The following TENM4 variants were observed in gnomAD, a reference collection of about 807,000 sequenced individuals.
TENM4 encodes the protein teneurin transmembrane protein 4, also known as teneurin-4.
Under a neutral mutation model 243.3 loss-of-function variants are expected in TENM4, and 82 were observed. The ratio of observed to expected loss-of-function variants is 0.34; its 90% CI spans 0.28 to 0.40. The LOEUF (loss-of-function observed/expected upper bound fraction) is 0.40. Among genes scored for constraint, TENM4 ranks in the 10% least tolerant of loss-of-function variants. The pLI is 1.00. For synonymous variants in TENM4, 1,412 were observed against 1,456.3 expected, an observed-to-expected ratio of 0.97 and a Z score of 0.69; for missense variants, 3,138 against 3,673.3, an observed-to-expected ratio of 0.85 and a Z score of 3.77.
At chr11:79,231,107 AAAAG>A (rs1864364953) in intron 2 of TENM4, among the ~76,000 whole-genome samples, 1 of 152,246 alleles carries the variant, frequency 6.6e-6, no homozygotes, top group Non-Finnish European at 1.5e-5. Context: ...TGCATAACAT[AAAAG>A]AAAGAAAATA....
At position 79,438,437 on chromosome 11, in the gene TENM4, C is replaced by G. The variant is rs1180891646; in HGVS notation, c.-321+2072G>C. On this transcript the variant is annotated intron_variant, in intron 1 of 33. Transcript: ENST00000278550. The surrounding 1 kb of genome is among the most constrained non-coding windows in gnomAD (Gnocchi z 4.1). The stretch of plus-strand genomic sequence containing the variant: ...GCCATACCCGACCCCAGCCCCATCC[C>G]GTCCCCATCAGCGCCGGGCTAGCGC... 6.6e-6 allele frequency among the ~76,000 whole-genome samples: 1 copy of G among 152,162 alleles called. No homozygotes were observed. The highest frequency in any genetic ancestry group is 1.5e-5 in the Non-Finnish European group (1 of 68,026).
chr11:79,322,666 C>G (rs1423655408), intron 1 of TENM4, among the ~76,000 whole-genome samples: 3 of 152,140 alleles, frequency 2.0e-5, no homozygotes, highest in African/African-American at 7.2e-5. Flanking sequence ...AAAAGACAAG[C>G]AGGTAATCAA....
chr11:79,305,353 A>T (rs1470653547), intron 1 of TENM4, among the ~76,000 whole-genome samples: 4 of 152,228 alleles, frequency 2.6e-5, no homozygotes, highest in Non-Finnish European at 2.9e-5. Context: ...AAGAATACTC[A>T]CTGCTTTTAC....
rs1037214738 is a variant in TENM4, at chr11:79,199,041, G to A, written c.-163+16767C>T. Among the ~76,000 whole-genome samples, 3 of 152,294 alleles carry A rather than the reference G, an allele frequency of 2.0e-5. No homozygotes were observed. In the South Asian group the frequency reaches 6.2e-4, roughly 32 times the overall value. On this transcript the variant is annotated intron_variant, in intron 3 of 33. Transcript: ENST00000278550. Reference sequence around the variant, plus strand: ...TGCAAGTTAGCAGAACTGGAAGATGGCCAGTGTGGGTGGAGCAAAGAGAGG... The same window carrying A: ...TGCAAGTTAGCAGAACTGGAAGATGACCAGTGTGGGTGGAGCAAAGAGAGG...
chr11:78,840,099 C>G (rs773831006), intron 12 of TENM4, among the ~76,000 whole-genome samples: 3 of 152,194 alleles, frequency 2.0e-5, no homozygotes, highest in Non-Finnish European at 2.9e-5. Flanking sequence ...CAACAGATTT[C>G]ACTTTCTTCC....
intron 19 of TENM4, among the ~76,000 whole-genome samples, chr11:78,749,903 A>G (rs1856143785): frequency 6.6e-6 from 1 of 152,146 alleles, no homozygotes; most frequent in Non-Finnish European, 1.5e-5. Flanking sequence ...CTGGCCTCAT[A>G]GTTCCCTATG....
chr11:78,980,977 G>A (rs998792084), intron 6 of TENM4, among the ~76,000 whole-genome samples: 1 of 152,190 alleles, frequency 6.6e-6, no homozygotes, highest in African/African-American at 2.4e-5. Context: ...GGCATGAAAG[G>A]TGTAGAAGCT....
At chr11:79,173,347 A>C (rs181693638) in intron 3 of TENM4, among the ~76,000 whole-genome samples, 136 of 152,104 alleles carry the variant, frequency 8.9e-4, no homozygotes, top group Middle Eastern at 6.8e-3. Context: ...GAGTTACATG[A>C]ATGGTAAACT....
At chr11:78,813,614 G>T (rs772387806) in intron 13 of TENM4, among the ~76,000 whole-genome samples, 4 of 152,226 alleles carry the variant, frequency 2.6e-5, no homozygotes, top group Admixed American at 6.5e-5. Flanking sequence ...TCCCAGGGGA[G>T]TGCCAAATTA....
chr11:79,188,084 T>G (rs1307330900), intron 3 of TENM4, among the ~76,000 whole-genome samples: 1 of 152,242 alleles, frequency 6.6e-6, no homozygotes, highest in Non-Finnish European at 1.5e-5. Context: ...AGACCTCATT[T>G]AATCCACACA....
intron 6 of TENM4, among the ~76,000 whole-genome samples, chr11:78,922,121 C>G (rs1856461197): frequency 6.6e-6 from 1 of 152,176 alleles, no homozygotes; most frequent in African/African-American, 2.4e-5. Context: ...AAATGCCTAT[C>G]AGATGTCCAT....
chr11:79,164,001 T>C (rs1443898396), intron 3 of TENM4, among the ~76,000 whole-genome samples: 1 of 72,920 alleles, frequency 1.4e-5, no homozygotes, highest in Admixed American at 1.5e-4. Flanking sequence ...ATATATAGTA[T>C]AGTATATAGT....
intron 1 of TENM4, among the ~76,000 whole-genome samples, chr11:79,347,186 C>T (rs926287588): frequency 6.6e-6 from 1 of 152,212 alleles, no homozygotes; most frequent in Non-Finnish European, 1.5e-5. Flanking sequence ...ACCAAATAAA[C>T]ATGCAGGCCA....
chr11:79,272,118 T>G (rs1037980820), intron 2 of TENM4, among the ~76,000 whole-genome samples: 1 of 152,134 alleles, frequency 6.6e-6, no homozygotes, highest in Admixed American at 6.5e-5. Flanking sequence ...CAAAGTGCTT[T>G]TTCCACCTCC....
In TENM4 at chr11:78,738,466, C is replaced by G; in HGVS notation, c.2861G>C (p.Ser954Thr). The G allele has an allele frequency of 6.2e-7, 1 of 1,613,798 alleles. No individual in the cohort carries two copies. The highest frequency in any genetic ancestry group is 1.1e-5 in the South Asian group (1 of 91,012). ...GGTCTCCTACCTGCCATCTTGCCTG[C>G]TGATTGTATATCCAAAGAGAGGGTT... ...VNNPLFGYTI[S>T]RQDGSFDLVT... The change falls in exon 20 of 34, where the codon AGC becomes ACC. Residue 954 changes from serine (S) to threonine (T), a missense_variant. By Grantham distance (58) the Ser-to-Thr change is moderately conservative. Around this residue, in one of 2 missense-constraint regions of TENM4, gnomAD observed 2,467 missense variants for 3,059.1 expected, o/e 0.81. Coordinates refer to ENST00000278550, the MANE Select transcript of TENM4 (RefSeq NM_001098816.3).
At chr11:79,411,202 A>G (rs1302415104) in intron 1 of TENM4, among the ~76,000 whole-genome samples, 4 of 152,166 alleles carry the variant, frequency 2.6e-5, no homozygotes, top group South Asian at 4.1e-4. Flanking sequence ...TCCCCAGGCC[A>G]TGGTATTTTC....
At chr11:79,362,727 C>G (rs917025220) in intron 1 of TENM4, among the ~76,000 whole-genome samples, 1 of 152,172 alleles carries the variant, frequency 6.6e-6, no homozygotes, top group African/African-American at 2.4e-5. Flanking sequence ...GCTCTGTGAC[C>G]CTGGGTAAGT....
At chr11:79,320,187 C>T (rs1010428664) in intron 1 of TENM4, among the ~76,000 whole-genome samples, 3 of 152,206 alleles carry the variant, frequency 2.0e-5, no homozygotes, top group African/African-American at 4.8e-5. Flanking sequence ...AGCGTTTGCA[C>T]TCAGTGTTTA....
chr11:79,139,076 TATATTATATTTCTATAAATATATA>T lies in TENM4; in HGVS notation c.-66+9610_-66+9633del, dbSNP rs1862201626. Among the ~76,000 whole-genome samples, 2 of 34,000 alleles carry T rather than the reference TATATTATATTTCTATAAATATATA, an allele frequency of 5.9e-5. 1 individual carries two copies. Among genetic ancestry groups the T allele is most frequent in the African/African-American group, 4.3e-4 (2 of 4,608 alleles). 22.3% of individuals were successfully genotyped at this position (34,000 alleles called of 152,430 possible). Reference sequence around the variant, plus strand: ...AATATATATTATATTTCTATAAATATATATTATATTTCTATAAATATATAAAATATATATTATATTTCTATAAAT... The same window carrying T: ...AATATATATTATATTTCTATAAATATAAATATATATTATATTTCTATAAAT... On this transcript the variant is annotated intron_variant, in intron 4 of 33. Transcript: ENST00000278550.
Sources: allele counts gnomAD v4.1 joint callset (sites outside exome capture counted in the v4.1 genomes callset), GRCh38; gene constraint gnomAD v4.1.1; regional missense constraint gnomAD v4.1.1; non-coding constraint Gnocchi (gnomAD v3.1); transcripts MANE v1.5; gene names NCBI Gene and HGNC (gene_info 2026-07-23, HGNC 2026-07-21).